TMEM131: variants seen among roughly 807,000 people sequenced by gnomAD.
TMEM131 encodes transmembrane protein 131, also known as 2610524E03Rik.
A neutral mutation model predicts 211.6 loss-of-function variants in TMEM131; 66 were observed. The ratio of observed to expected loss-of-function variants is 0.31; its 90% CI spans 0.26 to 0.38. The LOEUF (loss-of-function observed/expected upper bound fraction) is 0.38, where lower values mean the gene tolerates loss of function less well. Ranked by LOEUF, TMEM131 falls within the 10% of genes least tolerant of loss-of-function variation. The pLI, the probability that TMEM131 is intolerant of heterozygous loss-of-function variation, is 1.00. For synonymous variants in TMEM131, 844 were observed against 841.3 expected, an observed-to-expected ratio of 1.00 and a Z score of -0.06; for missense variants, 2,036 against 2,299.3, an observed-to-expected ratio of 0.89 and a Z score of 2.34.
At chr2:97,793,022 C>T in intron 30 of TMEM131, 38 bp from the exon 31 acceptor site, 1 of 1,375,718 alleles carries the variant, frequency 7.3e-7, no homozygotes, top group South Asian at 1.5e-5. Context: ...TAAATAGCAA[C>T]CTACAAAATC....
At chr2:97,842,467 G>A (rs549292835) in intron 6 of TMEM131, among the ~76,000 whole-genome samples, 21 of 152,200 alleles carry the variant, frequency 1.4e-4, no homozygotes, top group African/African-American at 4.6e-4. Flanking sequence ...TGGGTCTCAT[G>A]AAACTTACAT....
intron 25 of TMEM131, among the ~76,000 whole-genome samples, chr2:97,798,744 C>A (rs1573377853): frequency 1.3e-5 from 2 of 152,278 alleles, no homozygotes; most frequent in Non-Finnish European, 2.9e-5. Flanking sequence ...TGCGTCAGCA[C>A]AGTCGAAGCC....
intron 1 of TMEM131, among the ~76,000 whole-genome samples, chr2:97,990,787 C>G (rs530139092): frequency 6.6e-6 from 1 of 152,258 alleles, no homozygotes; most frequent in East Asian, 1.9e-4. Flanking sequence ...TATAAAAAGT[C>G]CTATGCACTT....
intron 12 of TMEM131, among the ~76,000 whole-genome samples, chr2:97,816,595 T>C (rs959121276): frequency 1.3e-5 from 2 of 152,206 alleles, no homozygotes; most frequent in Admixed American, 1.3e-4. Flanking sequence ...TGTTTGACTA[T>C]GGCAGACACA....
At position 97,784,931 on chromosome 2, in the gene TMEM131, A is replaced by G. The variant is rs1428044513; in HGVS notation, c.4144+7455T>C. 2.0e-5 allele frequency among the ~76,000 whole-genome samples: 3 copies of G among 152,158 alleles called. No individual in the cohort carries two copies. In the East Asian group the frequency reaches 5.8e-4, roughly 29 times the overall value. ...TTACCAATATCAGAAACAAAACAGA[A>G]TATTCCTATAGACCCTACAGACATC... On this transcript the variant is annotated intron_variant, in intron 31 of 40. Coordinates refer to ENST00000186436, the MANE Select transcript of TMEM131 (RefSeq NM_015348.2).
intron 3 of TMEM131, among the ~76,000 whole-genome samples, chr2:97,899,870 A>G (rs1213075658): frequency 6.6e-6 from 1 of 152,152 alleles, no homozygotes; most frequent in Non-Finnish European, 1.5e-5. Flanking sequence ...ATTACCTCAC[A>G]TAGTTGTCTT....
intron 1 of TMEM131, among the ~76,000 whole-genome samples, chr2:97,976,598 G>A (rs1186163264): frequency 6.6e-6 from 1 of 152,078 alleles, no homozygotes; most frequent in Non-Finnish European, 1.5e-5. Flanking sequence ...TTCATCTATA[G>A]ATTCAACACA....
rs1039345923 is a variant in TMEM131 at position 97,961,235 on chromosome 2, A to AAAAAT, written c.188-33753_188-33749dup. Reference sequence around the variant, plus strand: ...TCTATATACAAGCACTGAACAATTGAAAAATAAAATAAAATATAATTTCAT... The same window carrying AAAAAT: ...TCTATATACAAGCACTGAACAATTGAAAAATAAAATAAAATAAAATATAATTTCAT... On this transcript the variant is annotated intron_variant, in intron 1 of 40. Transcript: ENST00000186436. Among the ~76,000 whole-genome samples, 5 of 152,106 alleles carry AAAAAT rather than the reference A, an allele frequency of 3.3e-5. No individual in the cohort carries two copies. In the East Asian group the frequency reaches 7.7e-4, roughly 23 times the overall value.
At chr2:97,905,671 A>G (rs897140219) in intron 3 of TMEM131, among the ~76,000 whole-genome samples, 1 of 152,080 alleles carries the variant, frequency 6.6e-6, no homozygotes, top group Non-Finnish European at 1.5e-5. Context: ...CCAGTGAAAT[A>G]CTCATTTCAG....
In TMEM131 at chr2:97,923,814, C is replaced by A. The variant is rs376227341; in HGVS notation, c.249+3612G>T. ...TATAAAAAAGTTAGATTAGGCCGGGCGCAGTGGCCTAATCCCCGCACTTGG... is the reference window on the plus strand; with the variant it reads ...TATAAAAAAGTTAGATTAGGCCGGGAGCAGTGGCCTAATCCCCGCACTTGG... On this transcript the variant is annotated intron_variant, in intron 2 of 40. Coordinates refer to ENST00000186436, the MANE Select transcript of TMEM131 (RefSeq NM_015348.2). Among the ~76,000 whole-genome samples the A allele has an allele frequency of 3.3e-5, 5 of 152,102 alleles. No homozygotes were observed. In the East Asian group the frequency reaches 5.8e-4, roughly 18 times the overall value.
chr2:97,993,476 A>G (rs1375204974), intron 1 of TMEM131, among the ~76,000 whole-genome samples: 1 of 152,250 alleles, frequency 6.6e-6, no homozygotes, highest in Non-Finnish European at 1.5e-5. Context: ...GTTTTAAAGG[A>G]GAAGCCATTT....
chr2:97,953,696 C>T (rs906262949), intron 1 of TMEM131, among the ~76,000 whole-genome samples: 1 of 152,170 alleles, frequency 6.6e-6, no homozygotes, highest in Non-Finnish European at 1.5e-5. Flanking sequence ...CACCCTACAA[C>T]AGAATATTCA....
intron 1 of TMEM131, among the ~76,000 whole-genome samples, chr2:97,978,926 T>TA (rs1439719033): frequency 1.3e-5 from 2 of 152,198 alleles, no homozygotes; most frequent in East Asian, 1.9e-4. Flanking sequence ...GCTATAGCCT[T>TA]AAAAAATGTA....
intron 1 of TMEM131, among the ~76,000 whole-genome samples, chr2:97,943,658 C>T (rs1269844785): frequency 1.3e-5 from 2 of 152,132 alleles, no homozygotes; most frequent in Non-Finnish European, 2.9e-5. Flanking sequence ...TCCTGAAGTT[C>T]ATAAGAATAT....
chr2:97,893,353 T>C (rs1043327688), intron 3 of TMEM131, among the ~76,000 whole-genome samples: 1 of 152,174 alleles, frequency 6.6e-6, no homozygotes. Flanking sequence ...AATAAACACA[T>C]GTGTGCATGT....
In TMEM131 at chr2:97,795,246, T is replaced by TA. The variant is rs1211634023; in HGVS notation, c.3201-132dup. The stretch of plus-strand genomic sequence containing the variant: ...GTTTGATACTTTTACTCAACTTCCG[T>TA]ATTTTAAGATGAAAAAAGTATTGTC... On this transcript the variant is annotated intron_variant, in intron 28 of 40. Coordinates refer to ENST00000186436, the MANE Select transcript of TMEM131 (RefSeq NM_015348.2). 4 of 576,310 alleles carry TA rather than the reference T, an allele frequency of 6.9e-6. No homozygotes were observed. In the African/African-American group the frequency reaches 7.6e-5, roughly 11 times the overall value. 35.7% of individuals were successfully genotyped at this position (576,310 alleles called of 1,614,324 possible).
intron 33 of TMEM131, among the ~76,000 whole-genome samples, chr2:97,771,970 G>A (rs1679488642): frequency 6.6e-6 from 1 of 152,216 alleles, no homozygotes; most frequent in Admixed American, 6.5e-5. Flanking sequence ...TGGTTCAATC[G>A]TCAAGGTCAT....
intron 1 of TMEM131, among the ~76,000 whole-genome samples, chr2:97,947,787 T>C (rs1678113390): frequency 1.3e-5 from 2 of 152,158 alleles, no homozygotes; most frequent in Admixed American, 1.3e-4. Context: ...CATTGCCTGA[T>C]TTAAGACTTA....
intron 19 of TMEM131, 147 bp from the exon 20 acceptor site, chr2:97,805,850 G>A: frequency 1.2e-6 from 1 of 802,128 alleles, no homozygotes; most frequent in Non-Finnish European, 1.8e-6. Flanking sequence ...TCTTTAAATT[G>A]TAATCAACAG....
Sources: allele counts gnomAD v4.1 joint callset (sites outside exome capture counted in the v4.1 genomes callset), GRCh38; gene constraint gnomAD v4.1.1; transcripts MANE v1.5; gene names NCBI Gene and HGNC (gene_info 2026-07-23, HGNC 2026-07-21).